CDK7: variants seen among roughly 807,000 people sequenced by gnomAD.
CDK7 encodes the protein cyclin dependent kinase 7.
CDK7 carries 25 observed loss-of-function variants against 49.1 expected under a neutral mutation model. The observed-to-expected ratio is 0.51, with a 90% CI of 0.37 to 0.71. The LOEUF (loss-of-function observed/expected upper bound fraction) is 0.71. Among genes scored for constraint, CDK7 ranks in the 30% least tolerant of loss-of-function variants. CDK7 has a pLI of 0.00. For missense variants in CDK7, 316 were observed against 411.7 expected (o/e 0.77, Z 2.01); for synonymous variants, 107 against 140.0 (o/e 0.76, Z 1.67).
intron 2 of CDK7, among the ~76,000 whole-genome samples, chr5:69,249,489 G>A (rs112258974): frequency 0.016 from 2,374 of 152,088 alleles, 73 homozygotes; most frequent in African/African-American, 0.054. Flanking sequence ...GTTGCAGTGA[G>A]CCGAGATTGC....
chr5:69,249,147 G>A (rs977260524), intron 2 of CDK7, among the ~76,000 whole-genome samples: 1 of 151,560 alleles, frequency 6.6e-6, no homozygotes, highest in African/African-American at 2.4e-5. Context: ...TTGTAGGCAC[G>A]TCTCATTTCT....
intron 2 of CDK7, among the ~76,000 whole-genome samples, chr5:69,237,626 G>C (rs1043319345): frequency 4.6e-5 from 7 of 152,130 alleles, no homozygotes; most frequent in Admixed American, 3.9e-4. Flanking sequence ...TAGGGCCATG[G>C]CTAGTACATT....
At chr5:69,235,173 C>G in intron 1 of CDK7, 132 bp downstream of exon 1, 1 of 869,690 alleles carries the variant, frequency 1.1e-6, no homozygotes, top group East Asian at 2.6e-5. Flanking sequence ...ACCGTCCAGA[C>G]GCACTTGCTG....
At chr5:69,257,111 G>T (rs1204076294) in intron 5 of CDK7, among the ~76,000 whole-genome samples, 2 of 152,120 alleles carry the variant, frequency 1.3e-5, no homozygotes, top group Non-Finnish European at 2.9e-5. Context: ...TCATTTATAT[G>T]ATATTCTGGA....
At chr5:69,260,331 CAG>C (rs1750737325) in intron 7 of CDK7, among the ~76,000 whole-genome samples, 1 of 151,566 alleles carries the variant, frequency 6.6e-6, no homozygotes, top group African/African-American at 2.4e-5. Context: ...GCCTGGGCGA[CAG>C]AGAAAGACTC....
At chr5:69,235,136 C>T in intron 1 of CDK7, 95 bp downstream of exon 1, 2 of 1,213,452 alleles carry the variant, frequency 1.6e-6, no homozygotes, top group Non-Finnish European at 2.4e-6. Flanking sequence ...AGAGGTCTGG[C>T]TTGGCTGCTC....
intron 2 of CDK7, among the ~76,000 whole-genome samples, chr5:69,242,432 T>TG (rs1421278469): frequency 1.3e-5 from 2 of 152,182 alleles, no homozygotes. Flanking sequence ...CTGGTCCAAG[T>TG]GGCACCAGTT....
chr5:69,236,842 G>C (rs1394895340), intron 2 of CDK7, among the ~76,000 whole-genome samples: 1 of 151,512 alleles, frequency 6.6e-6, no homozygotes, highest in Non-Finnish European at 1.5e-5. Context: ...AGTAGAGACA[G>C]GGTTTCGCCA....
chr5:69,251,243 G>A (rs546166713), intron 2 of CDK7, among the ~76,000 whole-genome samples: 6 of 152,082 alleles, frequency 3.9e-5, no homozygotes, highest in African/African-American at 7.2e-5. Context: ...GACTACAGGC[G>A]TGTGCCACCA....
chr5:69,274,907 C>T (rs573493416), intron 10 of CDK7, among the ~76,000 whole-genome samples: 25 of 152,176 alleles, frequency 1.6e-4, no homozygotes, highest in Admixed American at 5.2e-4. Context: ...TGAGCCACCC[C>T]GCCCTGCCAG....
At chr5:69,276,796 A>G in intron 11 of CDK7, 106 bp downstream of exon 11, 1 of 963,378 alleles carries the variant, frequency 1.0e-6, no homozygotes, top group Non-Finnish European at 1.5e-6. Context: ...CTTGCTAGCT[A>G]TTTAATTTTT....
chr5:69,240,056 T>G (rs565888305), intron 2 of CDK7, among the ~76,000 whole-genome samples: 54 of 152,264 alleles, frequency 3.5e-4, no homozygotes, highest in African/African-American at 1.3e-3. Flanking sequence ...CTATTAATAG[T>G]CTGTCCTTTT....
At chr5:69,252,559 G>T in intron 3 of CDK7, 108 bp downstream of exon 3, 1 of 666,256 alleles carries the variant, frequency 1.5e-6, no homozygotes, top group Non-Finnish European at 2.5e-6. Flanking sequence ...ACCCAGGCTG[G>T]AGTACTGAGA....
intron 2 of CDK7, among the ~76,000 whole-genome samples, chr5:69,236,876 T>G (rs1048275335): frequency 6.6e-6 from 1 of 150,446 alleles, no homozygotes; most frequent in Non-Finnish European, 1.5e-5. Context: ...GGTCTCGAAC[T>G]CCTGACCTCA....
intron 10 of CDK7, 67 bp from the exon 11 acceptor site, chr5:69,276,476 G>C (rs1752152474): frequency 1.1e-5 from 15 of 1,419,010 alleles, no homozygotes; most frequent in Non-Finnish European, 1.5e-5. Context: ...AATCTTGAAG[G>C]TAAGATTTTC....
intron 8 of CDK7, among the ~76,000 whole-genome samples, chr5:69,264,256 T>C (rs1272774003): frequency 6.6e-6 from 1 of 152,186 alleles, no homozygotes; most frequent in Non-Finnish European, 1.5e-5. Flanking sequence ...ACACCATACT[T>C]TTTTAAAAGG....
chr5:69,247,627 T>C (rs1749843756), intron 2 of CDK7, among the ~76,000 whole-genome samples: 1 of 152,142 alleles, frequency 6.6e-6, no homozygotes, highest in Non-Finnish European at 1.5e-5. Flanking sequence ...CTTACTTGTT[T>C]TCTGGTTGTT....
chr5:69,276,761 A>G, intron 11 of CDK7, 71 bp downstream of exon 11: 1 of 1,280,864 alleles, frequency 7.8e-7, no homozygotes, highest in South Asian at 1.3e-5. Flanking sequence ...ATGGCTAGCG[A>G]CTGAACAACA....
At chr5:69,268,834 CAAAAAA>C (rs56877264) in intron 8 of CDK7, among the ~76,000 whole-genome samples, 1 of 120,676 alleles carries the variant, frequency 8.3e-6, no homozygotes, top group Non-Finnish European at 1.7e-5. Flanking sequence ...GAGACTGTCT[CAAAAAA>C]AAAAAAAAAA....
Sources: allele counts gnomAD v4.1 joint callset (sites outside exome capture counted in the v4.1 genomes callset), GRCh38; gene constraint gnomAD v4.1.1; transcripts MANE v1.5; gene names NCBI Gene and HGNC (gene_info 2026-07-23, HGNC 2026-07-21).